TMEM135: variants seen among roughly 807,000 people sequenced by gnomAD.
TMEM135 encodes peroxisomal membrane protein 52.
A neutral mutation model predicts 60.3 loss-of-function variants in TMEM135; 30 were observed. The observed-to-expected ratio is 0.50, with a 90% CI of 0.37 to 0.68. TMEM135 has a LOEUF of 0.68. Among genes scored for constraint, TMEM135 ranks in the 30% least tolerant of loss-of-function variants. The probability of loss-of-function intolerance (pLI) is 0.00; values close to 1 mark genes in which losing one functional copy is unlikely to be tolerated. For synonymous variants in TMEM135, 190 were observed against 186.7 expected, an observed-to-expected ratio of 1.02 and a Z score of -0.14; for missense variants, 468 against 548.8, an observed-to-expected ratio of 0.85 and a Z score of 1.47.
chr11:87,210,214 A>G (rs1247868936), intron 5 of TMEM135, among the ~76,000 whole-genome samples: 1 of 152,190 alleles, frequency 6.6e-6, no homozygotes, highest in Non-Finnish European at 1.5e-5. Context: ...ACAAAAGATC[A>G]ATGGAACCAA....
At chr11:87,298,373 T>C (rs996643827) in intron 7 of TMEM135, among the ~76,000 whole-genome samples, 2 of 152,234 alleles carry the variant, frequency 1.3e-5, no homozygotes, top group African/African-American at 4.8e-5. Flanking sequence ...TGCTGTATCA[T>C]GAAAACATAC....
intron 5 of TMEM135, among the ~76,000 whole-genome samples, chr11:87,205,329 A>G (rs1165606979): frequency 6.6e-6 from 1 of 152,190 alleles, no homozygotes; most frequent in Non-Finnish European, 1.5e-5. Flanking sequence ...TTTAGTAGGC[A>G]ATAAGGAGCT....
chr11:87,037,951 G>A lies in TMEM135; in HGVS notation c.-95G>A. ...TCCCCTCCATTCCGCACCTCCGAGT[G>A]CTGGCCGGGCGAGAGGCTGGCGGCT... On this transcript the variant is annotated 5_prime_UTR_variant, in exon 1 of 15. Transcript: ENST00000305494. 6.3e-7 allele frequency: 1 copy of A among 1,581,430 alleles called. No individual in the cohort carries two copies. The highest frequency in any genetic ancestry group is 8.6e-7 in the Non-Finnish European group (1 of 1,159,582).
intron 5 of TMEM135, among the ~76,000 whole-genome samples, chr11:87,220,737 T>G (rs1167868673): frequency 6.6e-6 from 1 of 152,188 alleles, no homozygotes; most frequent in Non-Finnish European, 1.5e-5. Flanking sequence ...TTTTTAAAAG[T>G]AGACACTTAA....
intron 5 of TMEM135, among the ~76,000 whole-genome samples, chr11:87,228,319 A>T (rs1198745832): frequency 6.6e-6 from 1 of 152,184 alleles, no homozygotes; most frequent in Non-Finnish European, 1.5e-5. Context: ...CAAGATCATG[A>T]AGGCTCCTGA....
At chr11:87,041,876 T>C (rs1949752959) in intron 1 of TMEM135, among the ~76,000 whole-genome samples, 1 of 152,196 alleles carries the variant, frequency 6.6e-6, no homozygotes, top group Non-Finnish European at 1.5e-5. Flanking sequence ...AGACCAAGGA[T>C]ATTGGGGCAG....
At position 87,321,344 on chromosome 11, in the gene TMEM135, A is replaced by G; in HGVS notation, c.*11A>G. 6.2e-7 allele frequency: 1 copy of G among 1,613,448 alleles called. No homozygotes were observed. The highest frequency in any genetic ancestry group is 8.5e-7 in the Non-Finnish European group (1 of 1,179,522). On this transcript the variant is annotated 3_prime_UTR_variant, in exon 15 of 15. Transcript: ENST00000305494. Reference sequence around the variant, plus strand: ...ACAGAGTTTTCCTGAAGATGACTGTAACTTATTAATGTGACTAAATGTTTC... The same window carrying G: ...ACAGAGTTTTCCTGAAGATGACTGTGACTTATTAATGTGACTAAATGTTTC...
At chr11:87,084,062 A>G (rs1426894806) in intron 3 of TMEM135, among the ~76,000 whole-genome samples, 2 of 152,144 alleles carry the variant, frequency 1.3e-5, no homozygotes, top group African/African-American at 4.8e-5. Context: ...GAAGTGTGAT[A>G]TGTAGTATTA....
chr11:87,140,872 A>C (rs1370520683), intron 4 of TMEM135, among the ~76,000 whole-genome samples: 1 of 152,172 alleles, frequency 6.6e-6, no homozygotes, highest in Admixed American at 6.5e-5. Flanking sequence ...CACCTCTGTT[A>C]GTTGAAGAAC....
intron 4 of TMEM135, among the ~76,000 whole-genome samples, chr11:87,129,396 C>T (rs894814722): frequency 3.3e-5 from 5 of 151,670 alleles, no homozygotes; most frequent in African/African-American, 4.8e-5. Flanking sequence ...TCGCACACCA[C>T]CATGACTGGC....
chr11:87,288,864 C>T (rs1942214397), intron 6 of TMEM135, among the ~76,000 whole-genome samples: 1 of 152,108 alleles, frequency 6.6e-6, no homozygotes, highest in South Asian at 2.1e-4. Context: ...GTGGCACATG[C>T]CTGTGATCCC....
chr11:87,247,335 G>A lies in TMEM135; in HGVS notation c.509+10651G>A, dbSNP rs191587866. Among the ~76,000 whole-genome samples, 571 of 152,332 alleles carry A rather than the reference G, an allele frequency of 3.7e-3. 5 individuals carry two copies. The highest frequency in any genetic ancestry group is 0.013 in the African/African-American group (522 of 41,572). On this transcript the variant is annotated intron_variant, in intron 6 of 14. Transcript: ENST00000305494. ...ACCCACTTAAGGAGGCAGTCTGCCC[G>A]TTCTCAGATCTCCAGCTGTGTGCTG...
intron 6 of TMEM135, among the ~76,000 whole-genome samples, chr11:87,290,646 C>T (rs1401923991): frequency 6.6e-6 from 1 of 152,144 alleles, no homozygotes; most frequent in Non-Finnish European, 1.5e-5. Context: ...ATAATGATAA[C>T]ATTGAGCTTC....
chr11:87,206,090 A>G (rs959863497), intron 5 of TMEM135, among the ~76,000 whole-genome samples: 2 of 152,194 alleles, frequency 1.3e-5, no homozygotes, highest in Non-Finnish European at 2.9e-5. Flanking sequence ...AATGTGATTC[A>G]TTTGCAATAT....
In TMEM135 at chr11:87,259,132, A is replaced by G. The variant is rs1220832162; in HGVS notation, c.509+22448A>G. On this transcript the variant is annotated intron_variant, in intron 6 of 14. Transcript: ENST00000305494. The stretch of plus-strand genomic sequence containing the variant: ...TTCGGAAACATCTCCATCAGGCCCC[A>G]TAGTCTCTCCGACCAGGTCTCATCT... 1.3e-5 allele frequency: 9 copies of G among 715,286 alleles called. No individual in the cohort carries two copies. The Admixed American group carries it at 1.5e-4, about 12-fold the overall frequency. The allele number at this position is 715,286 out of a possible 1,614,324, so 44.3% of individuals were successfully genotyped here.
chr11:87,145,565 C>G (rs991217517), intron 4 of TMEM135, among the ~76,000 whole-genome samples: 2 of 151,926 alleles, frequency 1.3e-5, no homozygotes, highest in Non-Finnish European at 2.9e-5. Flanking sequence ...ATAAAGGTTC[C>G]CTTTTCTCCA....
chr11:87,155,164 A>T (rs1938659185), intron 4 of TMEM135, among the ~76,000 whole-genome samples: 2 of 152,040 alleles, frequency 1.3e-5, no homozygotes. Context: ...AAGCCCAGCT[A>T]ATTTATGTGT....
intron 5 of TMEM135, among the ~76,000 whole-genome samples, chr11:87,201,787 A>G (rs1940098385): frequency 6.6e-6 from 1 of 152,166 alleles, no homozygotes; most frequent in Non-Finnish European, 1.5e-5. Context: ...TAGTTTGCTA[A>G]CATATATTAA....
intron 4 of TMEM135, among the ~76,000 whole-genome samples, chr11:87,103,208 C>T (rs1200470014): frequency 6.6e-6 from 1 of 152,158 alleles, no homozygotes; most frequent in Admixed American, 6.5e-5. Context: ...GTTGCTGGAT[C>T]ACTTGTTAGA....
Sources: allele counts gnomAD v4.1 joint callset (sites outside exome capture counted in the v4.1 genomes callset), GRCh38; gene constraint gnomAD v4.1.1; transcripts MANE v1.5; gene names NCBI Gene and HGNC (gene_info 2026-07-23, HGNC 2026-07-21).